The following DYNC1I1 variants were observed in gnomAD, a reference collection of about 807,000 sequenced individuals.
DYNC1I1 encodes dynein cytoplasmic 1 intermediate chain 1, also known as cytoplasmic dynein 1 intermediate chain 1.
In DYNC1I1, 43 loss-of-function variants were observed where a neutral mutation model predicts 86.6. The observed-to-expected ratio is 0.50, with a 90% CI of 0.39 to 0.64. The LOEUF (loss-of-function observed/expected upper bound fraction) is 0.64. Among genes scored for constraint, DYNC1I1 ranks in the 30% least tolerant of loss-of-function variants. The pLI is 0.00. For missense variants in DYNC1I1, 604 were observed against 788.8 expected (o/e 0.77, Z 2.81); for synonymous variants, 262 against 283.7 (o/e 0.92, Z 0.77).
At chr7:96,040,716 G>GT (rs61104103) in intron 14 of DYNC1I1, among the ~76,000 whole-genome samples, 41,935 of 144,598 alleles carry the variant, frequency 0.29, 5,932 homozygotes, top group African/African-American at 0.36. Flanking sequence ...CAAATGAGTA[G>GT]TTTTTTTTTT....
intron 5 of DYNC1I1, among the ~76,000 whole-genome samples, chr7:95,866,015 C>G (rs1359938538): frequency 6.6e-6 from 1 of 152,114 alleles, no homozygotes; most frequent in East Asian, 1.9e-4. Flanking sequence ...AAAGGTAGCA[C>G]AGAGTCGGAA....
Position 96,097,475 on chromosome 7 carries a change from C to T in DYNC1I1, c.1777-8C>T, listed in dbSNP as rs1791050169. 6.2e-7 allele frequency: 1 copy of T among 1,613,516 alleles called. No homozygotes were observed. The highest frequency in any genetic ancestry group is 8.5e-7 in the Non-Finnish European group (1 of 1,179,590). ...TGTTCATCATTTCTCCATTGATTTGCTTTGCAGCTTGCAGTTCCCCACAAT... is the reference window on the plus strand; with the variant it reads ...TGTTCATCATTTCTCCATTGATTTGTTTTGCAGCTTGCAGTTCCCCACAAT... On this transcript the variant is annotated splice_polypyrimidine_tract_variant and splice_region_variant and intron_variant, in intron 16 of 16. Coordinates refer to ENST00000447467, the MANE Select transcript of DYNC1I1 (RefSeq NM_001135556.2).
At chr7:95,805,816 C>T (rs148282241) in intron 2 of DYNC1I1, among the ~76,000 whole-genome samples, 2 of 152,138 alleles carry the variant, frequency 1.3e-5, no homozygotes, top group Non-Finnish European at 2.9e-5. Context: ...CTATGCAGTT[C>T]TTCTGTAAGG....
At chr7:95,815,695 C>T (rs1373746055) in intron 4 of DYNC1I1, among the ~76,000 whole-genome samples, 1 of 151,976 alleles carries the variant, frequency 6.6e-6, no homozygotes, top group African/African-American at 2.4e-5. Flanking sequence ...GAAAAGAGTT[C>T]AGTTATTCTT....
intron 7 of DYNC1I1, among the ~76,000 whole-genome samples, chr7:95,979,364 TA>T (rs1793394881): frequency 6.6e-6 from 1 of 152,202 alleles, no homozygotes. Flanking sequence ...AACAGGTTTT[TA>T]AAAAACTCAA....
intron 5 of DYNC1I1, among the ~76,000 whole-genome samples, chr7:95,853,299 T>A (rs1301477086): frequency 6.6e-6 from 1 of 152,154 alleles, no homozygotes; most frequent in Admixed American, 6.5e-5. Flanking sequence ...ATCATGGGAA[T>A]GGGTTTGTTA....
At chr7:95,939,008 A>C (rs566916256) in intron 6 of DYNC1I1, among the ~76,000 whole-genome samples, 1 of 151,970 alleles carries the variant, frequency 6.6e-6, no homozygotes, top group Non-Finnish European at 1.5e-5. Context: ...CTTTGTTCTC[A>C]TTGGTTTCAA....
intron 1 of DYNC1I1, chr7:95,804,310 GTTTTC>G (rs1197967918): frequency 1.6e-6 from 2 of 1,231,112 alleles, no homozygotes; most frequent in Admixed American, 3.1e-5. Context: ...ATGACAGGCT[GTTTTC>G]TTTTCTCAGT....
intron 5 of DYNC1I1, among the ~76,000 whole-genome samples, chr7:95,860,520 G>A (rs1351984060): frequency 6.6e-6 from 1 of 152,134 alleles, no homozygotes; most frequent in African/African-American, 2.4e-5. Flanking sequence ...TTTTATCCTT[G>A]GCCTAAGAAT....
intron 5 of DYNC1I1, among the ~76,000 whole-genome samples, chr7:95,860,217 C>G (rs1584101638): frequency 6.6e-6 from 1 of 152,306 alleles, no homozygotes; most frequent in East Asian, 1.9e-4. Flanking sequence ...CTCATTCTCT[C>G]TCTATCATAA....
chr7:96,042,044 G>C (rs566024508), intron 14 of DYNC1I1, among the ~76,000 whole-genome samples: 98 of 151,970 alleles, frequency 6.4e-4, no homozygotes, highest in Middle Eastern at 3.4e-3. Context: ...CTGTATGTTT[G>C]GTATACATTC....
intron 6 of DYNC1I1, among the ~76,000 whole-genome samples, chr7:95,967,171 A>G (rs1356986923): frequency 6.6e-6 from 1 of 152,234 alleles, no homozygotes; most frequent in Non-Finnish European, 1.5e-5. Context: ...ATACAGAATT[A>G]TGTTCTACTT....
At chr7:95,821,626 C>T (rs1795077991) in intron 4 of DYNC1I1, among the ~76,000 whole-genome samples, 1 of 152,058 alleles carries the variant, frequency 6.6e-6, no homozygotes, top group Non-Finnish European at 1.5e-5. Flanking sequence ...CAAGAACCGA[C>T]CATGGGATTT....
At position 96,105,120 on chromosome 7, in the gene DYNC1I1, T is replaced by C. The variant is rs558526378; in HGVS notation, c.1543-4859T>C. Among the ~76,000 whole-genome samples, 123 of 152,168 alleles carry C rather than the reference T, an allele frequency of 8.1e-4. 1 individual carries two copies. Among genetic ancestry groups the C allele is most frequent in the African/African-American group, 2.8e-3 (116 of 41,582 alleles). On this transcript the variant is annotated intron_variant, in intron 16 of 16. Coordinates refer to the DYNC1I1 transcript ENST00000537881. ...CTATTGTTATTATTTTTCAATTTTT[T>C]AACAAAATTTTTTACTAGTTTGTAG...
chr7:96,053,807 C>G (rs2214096), intron 14 of DYNC1I1, among the ~76,000 whole-genome samples: 45,082 of 151,766 alleles, frequency 0.3, 7,303 homozygotes, highest in African/African-American at 0.43. Flanking sequence ...ATGTTAGTTT[C>G]CTAGTATTAC....
intron 16 of DYNC1I1, among the ~76,000 whole-genome samples, chr7:96,095,499 TA>T (rs377123850): frequency 2.7e-3 from 416 of 152,270 alleles, no homozygotes; most frequent in African/African-American, 9.4e-3. Flanking sequence ...ATGAGCAAGG[TA>T]CTGTGTATTA....
chr7:95,785,551 C>T (rs1221899624), intron 1 of DYNC1I1, among the ~76,000 whole-genome samples: 1 of 151,826 alleles, frequency 6.6e-6, no homozygotes, highest in Non-Finnish European at 1.5e-5. Flanking sequence ...TCCTAATGTA[C>T]TCTGACGGTT....
At chr7:95,809,049 T>G (rs980394776) in intron 2 of DYNC1I1, among the ~76,000 whole-genome samples, 5 of 152,162 alleles carry the variant, frequency 3.3e-5, no homozygotes, top group Admixed American at 3.3e-4. Flanking sequence ...ATTTCATAAT[T>G]TTGGGTTATG....
intron 6 of DYNC1I1, among the ~76,000 whole-genome samples, chr7:95,966,751 G>A (rs1298963274): frequency 6.6e-6 from 1 of 152,206 alleles, no homozygotes; most frequent in East Asian, 1.9e-4. Flanking sequence ...TAAATCAATA[G>A]CTACTGTTTT....
Sources: allele counts gnomAD v4.1 joint callset (sites outside exome capture counted in the v4.1 genomes callset), GRCh38; gene constraint gnomAD v4.1.1; transcripts MANE v1.5; gene names NCBI Gene and HGNC (gene_info 2026-07-23, HGNC 2026-07-21).